MACROD2: variants seen among roughly 807,000 people sequenced by gnomAD.
The protein encoded by MACROD2 is mono-ADP ribosylhydrolase 2, also known as ADP-ribose glycohydrolase MACROD2.
A neutral mutation model predicts 70.4 loss-of-function variants in MACROD2; 36 were observed. That is an observed-to-expected ratio of 0.51 (90% CI 0.39 to 0.68). The LOEUF is 0.68. Among genes scored for constraint, MACROD2 ranks in the 30% least tolerant of loss-of-function variants. The pLI, the probability that MACROD2 is intolerant of heterozygous loss-of-function variation, is 0.00. For synonymous variants in MACROD2, 172 were observed against 178.8 expected, an observed-to-expected ratio of 0.96 and a Z score of 0.30; for missense variants, 496 against 538.4, an observed-to-expected ratio of 0.92 and a Z score of 0.78.
chr20:14,843,370 G>A, intron 5 of MACROD2, among the ~76,000 whole-genome samples: 1 of 151,534 alleles, frequency 6.6e-6, no homozygotes, highest in East Asian at 1.9e-4. Flanking sequence ...CCATACAGTA[G>A]TATATGCATA....
intron 8 of MACROD2, among the ~76,000 whole-genome samples, chr20:15,844,499 C>T (rs935541650): frequency 2.6e-5 from 4 of 152,104 alleles, no homozygotes; most frequent in African/African-American, 9.7e-5. Context: ...TTTTTACGGA[C>T]ATGAAAACTG....
chr20:14,213,361 CAAAAA>C (rs60009822), intron 3 of MACROD2, among the ~76,000 whole-genome samples: 20 of 30,258 alleles, frequency 6.6e-4, no homozygotes, highest in South Asian at 6.3e-3. Context: ...CTTCTAGTGG[CAAAAA>C]AAAAAAAAAA....
intron 4 of MACROD2, among the ~76,000 whole-genome samples, chr20:14,641,207 A>G (rs1193543510): frequency 3.3e-5 from 5 of 152,206 alleles, no homozygotes; most frequent in Non-Finnish European, 7.4e-5. Flanking sequence ...CATAAGAAGC[A>G]ACTCTTCATT....
intron 3 of MACROD2, among the ~76,000 whole-genome samples, chr20:14,414,712 T>C (rs2083785061): frequency 6.6e-6 from 1 of 152,176 alleles, no homozygotes; most frequent in Non-Finnish European, 1.5e-5. Flanking sequence ...ATTCCAGCCT[T>C]ACTTTTCTTC....
chr20:14,050,314 CTG>C (rs1340115327), intron 2 of MACROD2, among the ~76,000 whole-genome samples: 1 of 152,092 alleles, frequency 6.6e-6, no homozygotes, highest in African/African-American at 2.4e-5. Flanking sequence ...AAAGATGGCT[CTG>C]TATGTGTGTA....
intron 7 of MACROD2, among the ~76,000 whole-genome samples, chr20:15,451,269 C>G (rs1016827113): frequency 6.6e-6 from 1 of 151,798 alleles, no homozygotes; most frequent in Non-Finnish European, 1.5e-5. Context: ...CTCTTTCACA[C>G]CTTTCATTTG....
intron 3 of MACROD2, among the ~76,000 whole-genome samples, chr20:14,277,117 C>T (rs1424188315): frequency 6.6e-6 from 1 of 151,924 alleles, no homozygotes; most frequent in Non-Finnish European, 1.5e-5. Context: ...GCATGACTGA[C>T]ATGGTGAAAC....
intron 6 of MACROD2, among the ~76,000 whole-genome samples, chr20:15,419,714 A>G (rs2046202701): frequency 6.6e-6 from 1 of 152,204 alleles, no homozygotes; most frequent in South Asian, 2.1e-4. Flanking sequence ...CGGGCTCTGC[A>G]CCAGCAAAGT....
At chr20:15,259,087 G>A (rs1199626236) in intron 6 of MACROD2, among the ~76,000 whole-genome samples, 1 of 151,966 alleles carries the variant, frequency 6.6e-6, no homozygotes, top group Non-Finnish European at 1.5e-5. Flanking sequence ...GTTGGACAAA[G>A]CTCATCTCCA....
intron 7 of MACROD2, among the ~76,000 whole-genome samples, chr20:15,474,628 G>A (rs999983458): frequency 4.6e-5 from 7 of 152,194 alleles, no homozygotes; most frequent in Admixed American, 3.3e-4. Context: ...GTGCCTGCCA[G>A]CATACACAGT....
intron 3 of MACROD2, among the ~76,000 whole-genome samples, chr20:14,109,192 T>A (rs2054413653): frequency 6.6e-6 from 1 of 151,908 alleles, no homozygotes; most frequent in Non-Finnish European, 1.5e-5. Context: ...AAATTAAGAA[T>A]GAAATTGAAA....
chr20:15,892,962 A>G (rs959882407), intron 10 of MACROD2: 1 of 398,902 alleles, frequency 2.5e-6, no homozygotes, highest in Non-Finnish European at 4.4e-6. Context: ...TCCACCCTAC[A>G]AAAAGAGCAA....
intron 4 of MACROD2, among the ~76,000 whole-genome samples, chr20:14,647,198 C>G (rs184183720): frequency 6.6e-6 from 1 of 152,088 alleles, no homozygotes; most frequent in African/African-American, 2.4e-5. Flanking sequence ...TTCCTGAGTT[C>G]TCTGAAAAAT....
chr20:15,948,759 A>T (rs77715334), intron 12 of MACROD2, among the ~76,000 whole-genome samples: 2,075 of 152,286 alleles, frequency 0.014, 45 homozygotes, highest in African/African-American at 0.047. Context: ...CTTTCCAAAT[A>T]CACTTTAATA....
At chr20:14,346,224 A>C (rs1423737631) in intron 3 of MACROD2, among the ~76,000 whole-genome samples, 5 of 152,060 alleles carry the variant, frequency 3.3e-5, no homozygotes, top group Non-Finnish European at 7.4e-5. Context: ...ATGATCCCAA[A>C]TATATTTGGG....
At chr20:15,601,497 A>C (rs769378666) in intron 8 of MACROD2, among the ~76,000 whole-genome samples, 6 of 152,192 alleles carry the variant, frequency 3.9e-5, no homozygotes, top group Non-Finnish European at 7.3e-5. Flanking sequence ...GTGCTTATAG[A>C]GATGGTAATG....
chr20:15,679,889 ATGT>A (rs1259515919), intron 8 of MACROD2, among the ~76,000 whole-genome samples: 4 of 152,344 alleles, frequency 2.6e-5, no homozygotes, highest in African/African-American at 7.2e-5. Flanking sequence ...AGAAAATAAA[ATGT>A]TGTTTTAAGC....
intron 3 of MACROD2, among the ~76,000 whole-genome samples, chr20:14,348,984 C>T (rs928722516): frequency 6.6e-6 from 1 of 152,008 alleles, no homozygotes. Context: ...GGGAGGATTG[C>T]TTGAGCTTAG....
At chr20:15,378,082 T>C (rs995739411) in intron 6 of MACROD2, among the ~76,000 whole-genome samples, 5 of 151,748 alleles carry the variant, frequency 3.3e-5, no homozygotes, top group Non-Finnish European at 5.9e-5. Flanking sequence ...ATGGCACGTG[T>C]ATACCTATGT....
Sources: gnomAD v4.1 joint callset for allele counts (sites outside exome capture counted in the v4.1 genomes callset) on GRCh38, gnomAD v4.1.1 for gene constraint, MANE v1.5 for transcripts, NCBI Gene and HGNC (gene_info 2026-07-23, HGNC 2026-07-21) for gene names.